AFF1: variants seen among roughly 807,000 people sequenced by gnomAD.
AFF1 encodes the protein AF4/FMR2 family member 1.
A neutral mutation model predicts 121.7 loss-of-function variants in AFF1; 48 were observed. The observed-to-expected ratio is 0.39, with a 90% CI of 0.31 to 0.50. The LOEUF is 0.50. Ranked by LOEUF, AFF1 falls within the 20% of genes least tolerant of loss-of-function variation. The pLI is 0.76. For missense variants in AFF1, 1,523 were observed against 1,511.7 expected, an observed-to-expected ratio of 1.01 and a Z score of -0.12; for synonymous variants, 613 against 563.0, an observed-to-expected ratio of 1.09 and a Z score of -1.26.
intron 2 of AFF1, chr4:87,006,861 C>A: frequency 1.4e-6 from 1 of 708,840 alleles, no homozygotes; most frequent in Non-Finnish European, 1.8e-6. Context: ...CCCTGCCTGC[C>A]GCTTGCCGCC....
intron 2 of AFF1, among the ~76,000 whole-genome samples, chr4:87,029,080 A>G (rs1415133942): frequency 1.3e-5 from 2 of 152,132 alleles, no homozygotes; most frequent in African/African-American, 2.4e-5. Context: ...CCAGACTGAA[A>G]TCGGGCAGGT....
In AFF1 at chr4:87,114,872, A is replaced by G. The variant is rs2149768530; in HGVS notation, c.2039A>G (p.Lys680Arg). ...CCCTCCAGTGAGAAGAAGAAGCACAAGAGCTCCCTCCCTGCCCCCTCTAAG... is the reference window on the plus strand; with the variant it reads ...CCCTCCAGTGAGAAGAAGAAGCACAGGAGCTCCCTCCCTGCCCCCTCTAAG... ...VPPSSEKKKH[K>R]SSLPAPSKAL... The change falls in exon 12 of 21, where the codon AAG (lysine) becomes AGG (arginine). Residue 680 changes from lysine (K) to arginine (R), a missense_variant. Lys to Arg is a conservative substitution (Grantham distance 26). Around this residue, in one of 5 missense-constraint regions of AFF1, gnomAD observed 905 missense variants for 842.5 expected, o/e 1.07. Coordinates refer to ENST00000395146, the MANE Select transcript of AFF1 (RefSeq NM_001166693.3). 1 of 1,613,966 alleles carries G rather than the reference A, an allele frequency of 6.2e-7. No homozygotes were observed. The highest frequency in any genetic ancestry group is 2.2e-5 in the East Asian group (1 of 44,850).
At chr4:86,965,568 A>G (rs1488518232) in intron 2 of AFF1, among the ~76,000 whole-genome samples, 1 of 152,170 alleles carries the variant, frequency 6.6e-6, no homozygotes, top group Non-Finnish European at 1.5e-5. Flanking sequence ...ACCCAGGAGT[A>G]TTGTCTGTAT....
chr4:86,976,694 C>T (rs1723327876), intron 2 of AFF1, among the ~76,000 whole-genome samples: 1 of 152,236 alleles, frequency 6.6e-6, no homozygotes, highest in East Asian at 1.9e-4. Context: ...ATCTGTGCAC[C>T]AAGCTCCCAC....
In AFF1 at chr4:87,126,458, T is replaced by A. The variant is rs143911392; in HGVS notation, c.2811+122T>A. 192 of 884,922 alleles carry A rather than the reference T, an allele frequency of 2.2e-4. No homozygotes were observed. The African/African-American group carries it at 2.9e-3, about 14-fold the overall frequency. The allele number at this position is 884,922 out of a possible 1,614,324, so 54.8% of individuals were successfully genotyped here. On this transcript the variant is annotated intron_variant, in intron 14 of 20. Transcript: ENST00000395146. ...TGTCCATTGCTTTTAATGAGGCAAC[T>A]GTTTGTGTTTAAAATGCTACTTTTT...
At chr4:87,033,054 G>A (rs1729219001) in intron 2 of AFF1, among the ~76,000 whole-genome samples, 2 of 152,204 alleles carry the variant, frequency 1.3e-5, no homozygotes, top group South Asian at 4.1e-4. Context: ...GGAGGCTGAG[G>A]TGGGAGGATC....
intron 2 of AFF1, among the ~76,000 whole-genome samples, chr4:86,970,069 C>T (rs1722835218): frequency 1.3e-5 from 2 of 151,630 alleles, no homozygotes; most frequent in Non-Finnish European, 2.9e-5. Context: ...CAACATGAAT[C>T]TTTTGGGGGA....
At chr4:87,054,203 G>A (rs1731531443) in intron 4 of AFF1, among the ~76,000 whole-genome samples, 1 of 152,246 alleles carries the variant, frequency 6.6e-6, no homozygotes, top group Non-Finnish European at 1.5e-5. Context: ...CTCCCCTAGG[G>A]GGGCTGAGTT....
At chr4:87,078,113 C>G (rs1039580602) in intron 4 of AFF1, among the ~76,000 whole-genome samples, 1 of 152,218 alleles carries the variant, frequency 6.6e-6, no homozygotes, top group African/African-American at 2.4e-5. Flanking sequence ...TTCCCCATGT[C>G]TATCTCATAG....
chr4:87,068,257 G>GCCCCCCCCCCCCCC (rs70957204), intron 4 of AFF1, among the ~76,000 whole-genome samples: 4 of 120,130 alleles, frequency 3.3e-5, no homozygotes, highest in South Asian at 2.7e-4. Context: ...CATGAAAATT[G>GCCCCCCCCCCCCCC]CCCCCCCCCC....
intron 8 of AFF1, 110 bp downstream of exon 8, chr4:87,095,079 C>A: frequency 9.8e-7 from 1 of 1,018,700 alleles, no homozygotes; most frequent in Non-Finnish European, 1.5e-6. Context: ...ATTAATAAGA[C>A]TGCTGCATTC....
Position 87,114,583 on chromosome 4 carries a change from G to GCCCC in AFF1, c.1753_1756dup (p.His586ProfsTer91). 2 of 1,048,804 alleles carry GCCCC rather than the reference G, an allele frequency of 1.9e-6. No homozygotes were observed. Among genetic ancestry groups the GCCCC allele is most frequent in the Non-Finnish European group, 2.6e-6 (2 of 783,806 alleles). The allele number at this position is 1,048,804 out of a possible 1,614,324, so 65.0% of individuals were successfully genotyped here. ...CAAAGCCCCCCGGGCCCCACCCGAAGCCCCCCACCCCGGAAAGAGGAGCTG... is the reference window on the plus strand; with the variant it reads ...CAAAGCCCCCCGGGCCCCACCCGAAGCCCCCCCCCCACCCCGGAAAGAGGAGCTG... On this transcript the variant is annotated frameshift_variant, in exon 12 of 21. Transcript: ENST00000395146. LOFTEE classifies it high-confidence loss of function.
At chr4:87,049,216 C>T (rs1260858297) in intron 4 of AFF1, among the ~76,000 whole-genome samples, 2 of 151,950 alleles carry the variant, frequency 1.3e-5, no homozygotes, top group East Asian at 1.9e-4. Flanking sequence ...CAACCATATG[C>T]TTAAGTGCAA....
intron 2 of AFF1, among the ~76,000 whole-genome samples, chr4:87,022,747 T>C (rs183117687): frequency 2.1e-3 from 307 of 148,826 alleles, no homozygotes; most frequent in African/African-American, 7.5e-3. Flanking sequence ...TGTGTGTGTG[T>C]ATATATATAT....
At chr4:87,015,689 T>C (rs1351810668) in intron 2 of AFF1, among the ~76,000 whole-genome samples, 1 of 152,226 alleles carries the variant, frequency 6.6e-6, no homozygotes, top group Non-Finnish European at 1.5e-5. Flanking sequence ...TTTCTTATTT[T>C]AGCAGTCATG....
intron 13 of AFF1, 49 bp downstream of exon 13, chr4:87,125,192 T>C: frequency 2.1e-6 from 3 of 1,444,838 alleles, no homozygotes; most frequent in Non-Finnish European, 2.8e-6. Context: ...TCAACACTTC[T>C]TGGGTCTTGA....
chr4:86,939,998 A>AGG (rs1720336996), intron 1 of AFF1, among the ~76,000 whole-genome samples: 1 of 152,140 alleles, frequency 6.6e-6, no homozygotes, highest in Non-Finnish European at 1.5e-5. Flanking sequence ...TAGCTGTCAG[A>AGG]CCTTAGGCAA....
chr4:86,996,731 C>G (rs888422878), intron 2 of AFF1, among the ~76,000 whole-genome samples: 1 of 152,068 alleles, frequency 6.6e-6, no homozygotes, highest in South Asian at 2.1e-4. Context: ...TTAAAACAAA[C>G]AAACAAACAA....
At chr4:86,956,010 C>T (rs1721713550) in intron 2 of AFF1, among the ~76,000 whole-genome samples, 1 of 152,184 alleles carries the variant, frequency 6.6e-6, no homozygotes, top group Admixed American at 6.5e-5. Context: ...AAGGGCCAAA[C>T]TTCTAGATGC....
Sources: gnomAD v4.1 joint callset for allele counts (sites outside exome capture counted in the v4.1 genomes callset) on GRCh38, gnomAD v4.1.1 for gene constraint, gnomAD v4.1.1 regional missense constraint, MANE v1.5 for transcripts, NCBI Gene and HGNC (gene_info 2026-07-23, HGNC 2026-07-21) for gene names.